Variants in PTCHD4 observed in about 807,000 individuals in gnomAD.
The protein encoded by PTCHD4 is patched domain-containing protein 4.
A neutral mutation model predicts 58.1 loss-of-function variants in PTCHD4; 33 were observed. The ratio of observed to expected loss-of-function variants is 0.57; its 90% CI spans 0.43 to 0.76. PTCHD4 has a LOEUF of 0.76. Among genes scored for constraint, PTCHD4 ranks in the 30% least tolerant of loss-of-function variants. PTCHD4 has a pLI of 0.00. For missense variants in PTCHD4, 1,058 were observed against 1,027.1 expected (o/e 1.03, Z -0.41); for synonymous variants, 478 against 409.6 (o/e 1.17, Z -2.02).
Position 47,865,950 on chromosome 6 carries a change from A to G in PTCHD4, c.*12353T>C, listed in dbSNP as rs758474855. Among the ~76,000 whole-genome samples the G allele has an allele frequency of 6.6e-6, 1 of 151,874 alleles. No individual in the cohort carries two copies. The highest frequency in any genetic ancestry group is 1.5e-5 in the Non-Finnish European group (1 of 67,884). ...AAATTGAGTTCGTTGACCCAGGAAC[A>G]TATTCTGTGCTTTTGTTGCATGTTA... On this transcript the variant is annotated 3_prime_UTR_variant, in exon 5 of 5. Transcript: ENST00000339488.
Position 47,879,707 on chromosome 6 carries a change from G to A in PTCHD4, c.1128C>T (p.Tyr376=). The change falls in exon 5 of 5, where the codon TAC becomes TAT. Residue 376 remains tyrosine (Y), a synonymous_variant. Coordinates refer to ENST00000339488, the MANE Select transcript of PTCHD4 (RefSeq NM_001384253.1). ...QNMCVSILLN[Y]FYIFSFFGSC... ...AGCCAAAGAAGGAGAAAATGTAGAA[G>A]TAGTTCAACAGAATAGAGACACACA... 1.2e-6 allele frequency: 2 copies of A among 1,613,552 alleles called. No individual in the cohort carries two copies. The highest frequency in any genetic ancestry group is 1.7e-6 in the Non-Finnish European group (2 of 1,179,696).
At chr6:47,921,519 C>T (rs902231227) in intron 4 of PTCHD4, among the ~76,000 whole-genome samples, 2 of 152,182 alleles carry the variant, frequency 1.3e-5, no homozygotes, top group African/African-American at 2.4e-5. Flanking sequence ...TTTGCAGCTA[C>T]GTGTGGCCAT....
chr6:48,088,323 T>C (rs182563458), intron 1 of PTCHD4, among the ~76,000 whole-genome samples: 2 of 152,324 alleles, frequency 1.3e-5, no homozygotes, highest in African/African-American at 4.8e-5. Context: ...ATAGGTTGAT[T>C]TGGTTTAAGG....
In PTCHD4 at chr6:48,068,160, C is replaced by A. The variant is rs1157546132; in HGVS notation, c.417+70G>T. The A allele has an allele frequency of 2.8e-6, 4 of 1,447,018 alleles. No individual in the cohort carries two copies. In the Admixed American group the frequency reaches 9.1e-5, roughly 33 times the overall value. The allele number at this position is 1,447,018 out of a possible 1,614,324, so 89.6% of individuals were successfully genotyped here. On this transcript the variant is annotated intron_variant, in intron 3 of 4. Transcript: ENST00000339488. The surrounding 1 kb of genome is among the most constrained non-coding windows in gnomAD (Gnocchi z 4.2). The stretch of plus-strand genomic sequence containing the variant: ...AGCACTGAAATAATATCATCCAGCA[C>A]GCATTTCTTATCCTGATTTCTCAAC...
intron 4 of PTCHD4, among the ~76,000 whole-genome samples, chr6:47,921,309 T>C (rs73739010): frequency 0.013 from 1,935 of 152,294 alleles, 44 homozygotes; most frequent in African/African-American, 0.044. Flanking sequence ...ACATTCACCA[T>C]CCTATTTGCT....
chr6:48,101,896 G>C (rs904345319), intron 1 of PTCHD4, among the ~76,000 whole-genome samples: 1 of 152,108 alleles, frequency 6.6e-6, no homozygotes, highest in Admixed American at 6.5e-5. Context: ...GAAGGGATTG[G>C]GAGAGAGATG....
Position 47,869,526 on chromosome 6 carries a change from A to G in PTCHD4, c.*8777T>C, listed in dbSNP as rs569504190. 2.0e-5 allele frequency among the ~76,000 whole-genome samples: 3 copies of G among 151,874 alleles called. No individual in the cohort carries two copies. The highest frequency in any genetic ancestry group is 2.1e-4 in the South Asian group (1 of 4,824). ...AATTATTAAGGGGTGTTAAAGTGCT[A>G]TCTGAATCTTTTAGTAATGCTTTAG... is the stretch of plus-strand genomic sequence containing the variant. On this transcript the variant is annotated 3_prime_UTR_variant, in exon 5 of 5. Coordinates refer to ENST00000339488, the MANE Select transcript of PTCHD4 (RefSeq NM_001384253.1).
At chr6:47,955,221 A>G (rs1421557977) in intron 4 of PTCHD4, among the ~76,000 whole-genome samples, 1 of 152,260 alleles carries the variant, frequency 6.6e-6, no homozygotes, top group East Asian at 1.9e-4. Context: ...AATTAGTATA[A>G]GGCATTAACA....
chr6:47,943,118 C>T (rs371492537), intron 4 of PTCHD4, among the ~76,000 whole-genome samples: 1 of 152,038 alleles, frequency 6.6e-6, no homozygotes, highest in African/African-American at 2.4e-5. Context: ...TTTCCTAATC[C>T]CATTCATTTT....
chr6:48,093,390 A>G (rs1765403542), intron 1 of PTCHD4, among the ~76,000 whole-genome samples: 1 of 152,168 alleles, frequency 6.6e-6, no homozygotes, highest in South Asian at 2.1e-4. Context: ...TATTATAGAA[A>G]TTAAACTTTT....
At chr6:48,104,031 G>T (rs1405058934) in intron 1 of PTCHD4, among the ~76,000 whole-genome samples, 1 of 152,220 alleles carries the variant, frequency 6.6e-6, no homozygotes, top group Admixed American at 6.5e-5. Context: ...CACTCTGCAG[G>T]ATATTATCCA....
intron 4 of PTCHD4, among the ~76,000 whole-genome samples, chr6:47,958,999 A>G (rs569942659): frequency 1.3e-5 from 2 of 152,352 alleles, no homozygotes; most frequent in Middle Eastern, 6.8e-3. Flanking sequence ...AATAACAATC[A>G]TAGACATACA....
chr6:48,009,512 T>G (rs1762594172), intron 3 of PTCHD4, among the ~76,000 whole-genome samples: 2 of 152,316 alleles, frequency 1.3e-5, no homozygotes, highest in East Asian at 1.9e-4. Flanking sequence ...TTAATAATAT[T>G]TCAAAAGTTA....
intron 3 of PTCHD4, among the ~76,000 whole-genome samples, chr6:48,037,182 TGA>T (rs1240558114): frequency 1.3e-5 from 2 of 152,010 alleles, no homozygotes; most frequent in Non-Finnish European, 2.9e-5. Flanking sequence ...TAAGATATTT[TGA>T]GAGAGAGAGA....
chr6:47,910,722 A>G (rs888776543), intron 4 of PTCHD4, among the ~76,000 whole-genome samples: 1 of 152,126 alleles, frequency 6.6e-6, no homozygotes, highest in East Asian at 1.9e-4. Flanking sequence ...TTGTTCCAAG[A>G]GACGTGTAGT....
intron 1 of PTCHD4, among the ~76,000 whole-genome samples, chr6:48,086,396 G>C (rs945111409): frequency 1.3e-5 from 2 of 151,958 alleles, no homozygotes; most frequent in Non-Finnish European, 2.9e-5. Context: ...TCTGGCCTTT[G>C]GGCTGTAGGT....
intron 1 of PTCHD4, among the ~76,000 whole-genome samples, chr6:48,078,555 T>A (rs186892563): frequency 7.9e-5 from 12 of 152,316 alleles, no homozygotes; most frequent in African/African-American, 2.2e-4. Flanking sequence ...GTACAACAAA[T>A]TTTTAAAAGC....
intron 1 of PTCHD4, among the ~76,000 whole-genome samples, chr6:48,094,231 GA>G (rs1765419400): frequency 6.6e-6 from 1 of 152,142 alleles, no homozygotes; most frequent in South Asian, 2.1e-4. Flanking sequence ...GCACAAAAAA[GA>G]AAGTTACAGG....
At chr6:47,907,697 G>A (rs149858091) in intron 4 of PTCHD4, among the ~76,000 whole-genome samples, 6 of 152,174 alleles carry the variant, frequency 3.9e-5, no homozygotes, top group Admixed American at 1.3e-4. Context: ...GACAATAGTC[G>A]CCCCATTCCA....
Sources: allele counts gnomAD v4.1 joint callset (sites outside exome capture counted in the v4.1 genomes callset), GRCh38; gene constraint gnomAD v4.1.1; non-coding constraint Gnocchi (gnomAD v3.1); transcripts MANE v1.5; gene names NCBI Gene and HGNC (gene_info 2026-07-23, HGNC 2026-07-21).